Variants in PPARGC1A observed in about 807,000 individuals in gnomAD.
PPARGC1A encodes peroxisome proliferator-activated receptor gamma coactivator 1-alpha.
PPARGC1A carries 25 observed loss-of-function variants against 88.7 expected under a neutral mutation model. That is an observed-to-expected ratio of 0.28 (90% CI 0.21 to 0.39). The LOEUF (loss-of-function observed/expected upper bound fraction) is 0.39, where lower values mean the gene tolerates loss of function less well. Among genes scored for constraint, PPARGC1A ranks in the 10% least tolerant of loss-of-function variants. PPARGC1A has a pLI of 1.00. For synonymous variants in PPARGC1A, 363 were observed against 355.6 expected (o/e 1.02, Z -0.24); for missense variants, 880 against 968.7 (o/e 0.91, Z 1.22).
At chr4:24,348,884 C>T in the PPARGC1A span, among the ~76,000 whole-genome samples, 1 of 152,186 alleles carries the variant, frequency 6.6e-6, no homozygotes. Context: ...CTTGTTTTAT[C>T]ATATTACCAA....
chr4:24,296,234 G>T, the PPARGC1A span, among the ~76,000 whole-genome samples: 73 of 150,472 alleles, frequency 4.9e-4, no homozygotes, highest in African/African-American at 1.7e-3. Context: ...TATATATAGG[G>T]TATCCAGTTG....
At chr4:24,235,868 A>G in the PPARGC1A span, among the ~76,000 whole-genome samples, 1 of 152,180 alleles carries the variant, frequency 6.6e-6, no homozygotes, top group Admixed American at 6.5e-5. Context: ...GCCTTTTCCA[A>G]GCAGAAAAGG....
At chr4:24,356,122 A>G in the PPARGC1A span, among the ~76,000 whole-genome samples, 1 of 151,732 alleles carries the variant, frequency 6.6e-6, no homozygotes, top group Non-Finnish European at 1.5e-5. Context: ...GCTTGAACCC[A>G]GGAAGCAGAG....
the PPARGC1A span, among the ~76,000 whole-genome samples, chr4:24,471,061 G>A: frequency 1.3e-5 from 2 of 151,356 alleles, no homozygotes; most frequent in Admixed American, 1.3e-4. This position sits in a 1 kb window ranked among gnomAD's most constrained non-coding sequence, Gnocchi z 5.4. Flanking sequence ...GGGCAGCCCC[G>A]CAAGCGGCCG....
the PPARGC1A span, among the ~76,000 whole-genome samples, chr4:24,443,256 T>C: frequency 3.8e-3 from 2 of 528 alleles, no homozygotes; most frequent in South Asian, 0.5. Flanking sequence ...ATGTATGGGT[T>C]TTTTTTTTTT....
At chr4:24,328,259 C>A in the PPARGC1A span, among the ~76,000 whole-genome samples, 475 of 147,854 alleles carry the variant, frequency 3.2e-3, 17 homozygotes, top group East Asian at 0.067. Flanking sequence ...CAGCCCCCCC[C>A]CCAATCAGCA....
At chr4:23,928,514 G>T in the PPARGC1A span, among the ~76,000 whole-genome samples, 3 of 152,206 alleles carry the variant, frequency 2.0e-5, no homozygotes, top group South Asian at 6.2e-4. Flanking sequence ...ATGTAAATTA[G>T]TTCCACCATT....
chr4:24,066,603 A>C, the PPARGC1A span, among the ~76,000 whole-genome samples: 1 of 152,250 alleles, frequency 6.6e-6, no homozygotes, highest in Admixed American at 6.5e-5. Context: ...CATTAGAGCT[A>C]ATGGGAGCTA....
chr4:24,291,090 G>T, the PPARGC1A span, among the ~76,000 whole-genome samples: 1 of 152,054 alleles, frequency 6.6e-6, no homozygotes, highest in African/African-American at 2.4e-5. Flanking sequence ...TCATCACTGA[G>T]GCCCCTAAAT....
chr4:24,099,770 C>A, the PPARGC1A span, among the ~76,000 whole-genome samples: 2 of 151,784 alleles, frequency 1.3e-5, no homozygotes, highest in African/African-American at 4.8e-5. Flanking sequence ...ACTCGTAATA[C>A]CAACATCCTA....
chr4:24,071,944 G>A, the PPARGC1A span, among the ~76,000 whole-genome samples: 4 of 151,982 alleles, frequency 2.6e-5, no homozygotes, highest in Non-Finnish European at 5.9e-5. Flanking sequence ...CTTATAAGAA[G>A]TTAAATGTTG....
the PPARGC1A span, among the ~76,000 whole-genome samples, chr4:24,360,337 C>A: frequency 6.6e-6 from 1 of 152,184 alleles, no homozygotes; most frequent in Non-Finnish European, 1.5e-5. Flanking sequence ...ACTATGGCTA[C>A]TTTCCCTGAC....
the PPARGC1A span, among the ~76,000 whole-genome samples, chr4:24,243,006 CT>C: frequency 6.6e-6 from 1 of 152,130 alleles, no homozygotes; most frequent in Non-Finnish European, 1.5e-5. Flanking sequence ...GCCCCTTTTC[CT>C]CATTGCAATT....
At chr4:24,198,385 G>A in the PPARGC1A span, among the ~76,000 whole-genome samples, 1 of 152,088 alleles carries the variant, frequency 6.6e-6, no homozygotes, top group African/African-American at 2.4e-5. Context: ...TTGGCTTACA[G>A]GGTCGCTGCT....
the PPARGC1A span, among the ~76,000 whole-genome samples, chr4:24,350,849 G>A: frequency 4.8e-3 from 731 of 152,262 alleles, 1 homozygote; most frequent in Non-Finnish European, 8.4e-3. Flanking sequence ...AGACTCCATG[G>A]CTGGGCATCA....
chr4:24,385,785 G>A, the PPARGC1A span, among the ~76,000 whole-genome samples: 5 of 152,182 alleles, frequency 3.3e-5, no homozygotes, highest in South Asian at 8.3e-4. Flanking sequence ...AGGACCAGAA[G>A]GATTTACAGC....
At chr4:23,893,281 G>A (rs117750059), upstream of PPARGC1A, among the ~76,000 whole-genome samples, 82 of 151,994 alleles carry the variant, frequency 5.4e-4, 2 homozygotes, top group East Asian at 0.014. Flanking sequence ...CCAAATTAAA[G>A]GCTTTTCCCA....
the PPARGC1A span, among the ~76,000 whole-genome samples, chr4:24,337,459 T>C: frequency 2.0e-5 from 3 of 150,044 alleles, no homozygotes; most frequent in Non-Finnish European, 4.4e-5. Flanking sequence ...CAGACAGACA[T>C]GAAAATAAGA....
chr4:24,079,672 G>GATTA, the PPARGC1A span, among the ~76,000 whole-genome samples: 1 of 151,874 alleles, frequency 6.6e-6, no homozygotes, highest in Non-Finnish European at 1.5e-5. Flanking sequence ...CCCATGATCA[G>GATTA]ATAAATGTTA....
Sources: gnomAD v4.1 joint callset for allele counts (sites outside exome capture counted in the v4.1 genomes callset) on GRCh38, gnomAD v4.1.1 for gene constraint, Gnocchi (gnomAD v3.1) non-coding constraint, MANE v1.5 for transcripts, NCBI Gene and HGNC (gene_info 2026-07-23, HGNC 2026-07-21) for gene names.